The following HDAC9 variants were observed in gnomAD, a reference collection of about 807,000 sequenced individuals.
HDAC9 encodes the protein histone deacetylase 9, also known as MEF-2 interacting transcription repressor (MITR) protein.
HDAC9 carries 41 observed loss-of-function variants against 139.4 expected under a neutral mutation model. The observed-to-expected ratio is 0.29, with a 90% CI of 0.23 to 0.38. The LOEUF (loss-of-function observed/expected upper bound fraction) is 0.38, where lower values mean the gene tolerates loss of function less well. Ranked by LOEUF, HDAC9 falls within the 10% of genes least tolerant of loss-of-function variation. The pLI is 1.00. For missense variants in HDAC9, 1,147 were observed against 1,297.0 expected, an observed-to-expected ratio of 0.88 and a Z score of 1.78; for synonymous variants, 517 against 476.2, an observed-to-expected ratio of 1.09 and a Z score of -1.12.
chr7:18,596,539 A>G (rs1175101382), intron 6 of HDAC9, among the ~76,000 whole-genome samples: 1 of 152,180 alleles, frequency 6.6e-6, no homozygotes, highest in African/African-American at 2.4e-5. Context: ...AAAAGTATTT[A>G]CAAACAAAGC....
At chr7:18,371,950 C>A (rs1223206140) in intron 1 of HDAC9, among the ~76,000 whole-genome samples, 1 of 152,108 alleles carries the variant, frequency 6.6e-6, no homozygotes, top group Non-Finnish European at 1.5e-5. Context: ...CTGGGCTTCT[C>A]GAGGTAATGA....
intron 22 of HDAC9, among the ~76,000 whole-genome samples, chr7:18,933,396 A>T (rs1262293555): frequency 2.0e-5 from 3 of 152,064 alleles, no homozygotes; most frequent in Admixed American, 6.6e-5. Context: ...TTAGAAGGCA[A>T]CAAGAGAGCT....
intron 2 of HDAC9, 120 bp from the exon 3 acceptor site, chr7:18,585,161 T>C: frequency 9.4e-7 from 1 of 1,066,342 alleles, no homozygotes; most frequent in Non-Finnish European, 1.4e-6. Context: ...GCTAGAGTCA[T>C]TGGCATAAAA....
At chr7:18,219,255 C>G (rs931580441) in intron 2 of HDAC9, among the ~76,000 whole-genome samples, 2 of 151,944 alleles carry the variant, frequency 1.3e-5, no homozygotes, top group African/African-American at 4.8e-5. Context: ...GTAATTAGTT[C>G]TCTTTAAAAA....
chr7:18,148,870 A>G (rs1786542612), intron 1 of HDAC9, among the ~76,000 whole-genome samples: 1 of 152,116 alleles, frequency 6.6e-6, no homozygotes, highest in South Asian at 2.1e-4. Flanking sequence ...TCTACCTGCA[A>G]CCTTAATTCC....
chr7:18,864,580 G>T (rs1490244266), intron 21 of HDAC9, among the ~76,000 whole-genome samples: 2 of 151,732 alleles, frequency 1.3e-5, no homozygotes, highest in Non-Finnish European at 2.9e-5. Flanking sequence ...GTTTAAGGGG[G>T]TGGATGTCAT....
chr7:18,201,930 A>G (rs1486724754), intron 2 of HDAC9, among the ~76,000 whole-genome samples: 6 of 152,220 alleles, frequency 3.9e-5, no homozygotes, highest in Admixed American at 1.3e-4. Context: ...AGATGGCACC[A>G]TGGGAACGTG....
At chr7:18,800,350 G>T (rs925901626) in intron 17 of HDAC9, among the ~76,000 whole-genome samples, 3 of 151,864 alleles carry the variant, frequency 2.0e-5, no homozygotes, top group African/African-American at 4.8e-5. Context: ...CATTTTCTTT[G>T]TTCTTAAATG....
chr7:18,553,582 T>G (rs972982260), intron 2 of HDAC9, among the ~76,000 whole-genome samples: 1 of 152,230 alleles, frequency 6.6e-6, no homozygotes, highest in South Asian at 2.1e-4. Flanking sequence ...CTTCGAAAGA[T>G]TCTGCTTTAA....
chr7:18,439,885 G>T (rs1316250695), intron 1 of HDAC9, among the ~76,000 whole-genome samples: 2 of 151,872 alleles, frequency 1.3e-5, no homozygotes, highest in African/African-American at 2.4e-5. Context: ...TATGGGTTGT[G>T]GTAAAAAAAT....
chr7:18,113,480 A>T (rs867667948), intron 1 of HDAC9, among the ~76,000 whole-genome samples: 1 of 152,240 alleles, frequency 6.6e-6, no homozygotes, highest in Non-Finnish European at 1.5e-5. Context: ...TTTCTACGAG[A>T]TGATCAGAAA....
chr7:18,932,378 C>G (rs1466992037), intron 22 of HDAC9, among the ~76,000 whole-genome samples: 1 of 152,038 alleles, frequency 6.6e-6, no homozygotes, highest in East Asian at 1.9e-4. Context: ...ATTACATATT[C>G]TTAAACACTT....
chr7:18,778,512 C>T (rs1036913442), intron 16 of HDAC9, among the ~76,000 whole-genome samples: 1 of 151,888 alleles, frequency 6.6e-6, no homozygotes, highest in Admixed American at 6.6e-5. Flanking sequence ...TTTGAAGCAC[C>T]CTTTACACAG....
intron 22 of HDAC9, among the ~76,000 whole-genome samples, chr7:18,901,261 C>CATAT (rs145525024): frequency 4.1e-5 from 6 of 144,688 alleles, no homozygotes; most frequent in African/African-American, 1.5e-4. Flanking sequence ...TATACATATA[C>CATAT]ATATATATAT....
intron 2 of HDAC9, among the ~76,000 whole-genome samples, chr7:18,195,032 A>G (rs1460937883): frequency 6.6e-6 from 1 of 152,080 alleles, no homozygotes; most frequent in Non-Finnish European, 1.5e-5. Context: ...GTTTTTAACT[A>G]ATATTACTTA....
chr7:18,325,650 G>A (rs2128641206), intron 1 of HDAC9: 1 of 151,594 alleles, frequency 6.6e-6, no homozygotes, highest in Non-Finnish European at 1.5e-5. Flanking sequence ...TCAGTTCGTG[G>A]TAAAAATCAC....
upstream of HDAC9, among the ~76,000 whole-genome samples, chr7:18,286,011 G>C (rs767220520): frequency 6.6e-6 from 1 of 151,994 alleles, no homozygotes; most frequent in African/African-American, 2.4e-5. Context: ...CAACAATGTT[G>C]AACTAGCAAT....
In HDAC9 at chr7:18,442,257, C is replaced by T. The variant is rs539427771; in HGVS notation, c.-41-54005C>T. ...CGGTCAACATTGAGCATTTTCTACC[C>T]CTATGTATAAGAGTGGTTGGGAAGA... On this transcript the variant is annotated intron_variant, in intron 1 of 3. Coordinates refer to the HDAC9 transcript ENST00000413509. 2.6e-5 allele frequency among the ~76,000 whole-genome samples: 4 copies of T among 152,220 alleles called. No homozygotes were observed. The East Asian group carries it at 7.7e-4, about 29-fold the overall frequency.
chr7:18,136,602 T>C (rs926693045), intron 1 of HDAC9, among the ~76,000 whole-genome samples: 12 of 152,330 alleles, frequency 7.9e-5, no homozygotes, highest in African/African-American at 2.6e-4. Context: ...TTGTCAAAGA[T>C]CAGATAGCTG....
Sources: allele counts gnomAD v4.1 joint callset (sites outside exome capture counted in the v4.1 genomes callset), GRCh38; gene constraint gnomAD v4.1.1; transcripts MANE v1.5; gene names NCBI Gene and HGNC (gene_info 2026-07-23, HGNC 2026-07-21).